KIAA1671: variants seen among roughly 807,000 people sequenced by gnomAD.
KIAA1671 encodes the protein KIAA1671.
In KIAA1671, 52 loss-of-function variants were observed where a neutral mutation model predicts 131.2. The observed-to-expected ratio is 0.40, with a 90% CI of 0.32 to 0.50. The LOEUF is 0.50. KIAA1671 is among the 20% of genes least tolerant of loss of function. KIAA1671 has a pLI of 0.73. For missense variants in KIAA1671, 2,360 were observed against 2,364.2 expected (o/e 1.00, Z 0.04); for synonymous variants, 1,003 against 961.6 (o/e 1.04, Z -0.80).
At chr22:25,118,039 G>A (rs1931763555) in intron 6 of KIAA1671, among the ~76,000 whole-genome samples, 1 of 151,586 alleles carries the variant, frequency 6.6e-6, no homozygotes, top group African/African-American at 2.4e-5. Flanking sequence ...TCAGGAGGCT[G>A]AGGCAGGAGA....
chr22:25,145,506 C>A (rs547451140), intron 6 of KIAA1671, among the ~76,000 whole-genome samples: 6 of 152,216 alleles, frequency 3.9e-5, no homozygotes, highest in Non-Finnish European at 2.9e-5. Flanking sequence ...TGATCCCCAA[C>A]CTGTGCTTCC....
At chr22:25,089,096 A>G (rs1227482283) in intron 6 of KIAA1671, among the ~76,000 whole-genome samples, 2 of 152,156 alleles carry the variant, frequency 1.3e-5, no homozygotes, top group East Asian at 3.9e-4. Context: ...TGTGTTAGGT[A>G]TAAGAAACCT....
chr22:25,054,710 C>T (rs1226119020), intron 6 of KIAA1671: 1 of 149,216 alleles, frequency 6.7e-6, no homozygotes, highest in East Asian at 2.0e-4. Context: ...ATGTCATGTG[C>T]TTTAATTTAA....
At chr22:25,060,555 G>A (rs1928104465) in intron 6 of KIAA1671, 1 of 152,190 alleles carries the variant, frequency 6.6e-6, no homozygotes, top group African/African-American at 2.4e-5. Context: ...CACACTCTGG[G>A]TATCAGAGGT....
chr22:25,098,572 A>C (rs1930499644), intron 6 of KIAA1671, among the ~76,000 whole-genome samples: 1 of 150,408 alleles, frequency 6.6e-6, no homozygotes, highest in Non-Finnish European at 1.5e-5. Flanking sequence ...AGCAAGAAGC[A>C]TCAAGGCTGC....
intron 1 of KIAA1671, among the ~76,000 whole-genome samples, chr22:24,959,500 C>T (rs2123795347): frequency 6.6e-6 from 1 of 152,084 alleles, no homozygotes; most frequent in South Asian, 2.1e-4. Flanking sequence ...CCAGCCTGGG[C>T]AACAGAGTGA....
chr22:25,188,485 T>C (rs1934553606), intron 11 of KIAA1671, among the ~76,000 whole-genome samples: 1 of 150,744 alleles, frequency 6.6e-6, no homozygotes, highest in Admixed American at 6.6e-5. Flanking sequence ...TGTGTGTGTG[T>C]GTGTGTGTAA....
intron 6 of KIAA1671, chr22:25,049,855 G>A (rs1396147686): frequency 2.0e-5 from 3 of 152,654 alleles, no homozygotes; most frequent in Non-Finnish European, 4.4e-5. Flanking sequence ...GATAACAGGA[G>A]GCAGCAGAAA....
At chr22:25,169,871 A>C (rs2146010959) in intron 6 of KIAA1671, among the ~76,000 whole-genome samples, 1 of 152,296 alleles carries the variant, frequency 6.6e-6, no homozygotes, top group East Asian at 1.9e-4. Context: ...CTGGGGGTTG[A>C]ATTCCACTTC....
chr22:25,027,871 T>C, intron 2 of KIAA1671, 74 bp from the exon 3 acceptor site: 2 of 753,300 alleles, frequency 2.7e-6, no homozygotes, highest in Non-Finnish European at 4.2e-6. Context: ...GTCCCATTTC[T>C]CTAAACCATT....
chr22:25,020,680 A>T (rs938603109), intron 1 of KIAA1671, among the ~76,000 whole-genome samples: 1 of 152,208 alleles, frequency 6.6e-6, no homozygotes, highest in Non-Finnish European at 1.5e-5. Context: ...CTCATGGAGC[A>T]TTAGAGAAGG....
At chr22:25,165,544 A>C (rs1933616404) in intron 6 of KIAA1671, among the ~76,000 whole-genome samples, 1 of 152,208 alleles carries the variant, frequency 6.6e-6, no homozygotes, top group African/African-American at 2.4e-5. Context: ...GTGGCTGTGG[A>C]GCTCTTGAAA....
chr22:25,156,725 G>T (rs1021616515), intron 6 of KIAA1671, among the ~76,000 whole-genome samples: 1 of 151,932 alleles, frequency 6.6e-6, no homozygotes, highest in Non-Finnish European at 1.5e-5. Flanking sequence ...CTGTGTGTGC[G>T]TGCATCTGTC....
chr22:25,016,911 C>T (rs973041496), intron 1 of KIAA1671, among the ~76,000 whole-genome samples: 3 of 152,208 alleles, frequency 2.0e-5, no homozygotes, highest in Non-Finnish European at 2.9e-5. Context: ...AGCAGAGGTG[C>T]TGCCCCTCGC....
chr22:25,063,347 G>A lies in KIAA1671; in HGVS notation c.4530+13983G>A, dbSNP rs536655876. The A allele has an allele frequency of 5.3e-5, 8 of 152,152 alleles. No homozygotes were observed. In the South Asian group the frequency reaches 1.5e-3, roughly 28 times the overall value. 9.4% of individuals were successfully genotyped at this position (152,152 alleles called of 1,614,324 possible). A position where few individuals can be genotyped will look rare whatever the true frequency, so the allele number is the denominator to read the frequency against. On this transcript the variant is annotated intron_variant, in intron 6 of 12. Coordinates refer to ENST00000358431, the MANE Select transcript of KIAA1671 (RefSeq NM_001145206.2). ...TTATTGATTTAAAGAAACGTGGCAC[G>A]TATGTATACACCATGGAATACTACT...
intron 1 of KIAA1671, among the ~76,000 whole-genome samples, chr22:24,953,467 G>A (rs571908831): frequency 7.3e-4 from 111 of 152,142 alleles, no homozygotes; most frequent in African/African-American, 2.5e-3. Flanking sequence ...GGAGGCTCCG[G>A]ACACGTCCTC....
intron 6 of KIAA1671, among the ~76,000 whole-genome samples, chr22:25,109,632 GTTCA>G (rs369534010): frequency 3.9e-5 from 6 of 152,118 alleles, no homozygotes; most frequent in African/African-American, 1.4e-4. Flanking sequence ...TGTCAAATGG[GTTCA>G]TGCAAAAAAA....
chr22:25,031,714 G>A (rs1371568241), intron 3 of KIAA1671, among the ~76,000 whole-genome samples: 1 of 152,162 alleles, frequency 6.6e-6, no homozygotes, highest in African/African-American at 2.4e-5. Flanking sequence ...TATCAGAGAA[G>A]GACACCTATG....
chr22:24,994,833 A>G (rs1255151277), intron 1 of KIAA1671, among the ~76,000 whole-genome samples: 1 of 151,942 alleles, frequency 6.6e-6, no homozygotes, highest in Admixed American at 6.6e-5. Context: ...GAGCTGTTGT[A>G]TCCTGAGCAC....
Sources: gnomAD v4.1 joint callset for allele counts (sites outside exome capture counted in the v4.1 genomes callset) on GRCh38, gnomAD v4.1.1 for gene constraint, MANE v1.5 for transcripts, NCBI Gene and HGNC (gene_info 2026-07-23, HGNC 2026-07-21) for gene names.